The following SNX29 variants were observed in gnomAD, a reference collection of about 807,000 sequenced individuals.
SNX29 encodes the protein sorting nexin 29.
Under a neutral mutation model 102.1 loss-of-function variants are expected in SNX29, and 78 were observed. That is an observed-to-expected ratio of 0.76 (90% confidence interval 0.64 to 0.92). The LOEUF (loss-of-function observed/expected upper bound fraction) is 0.92. Among genes scored for constraint, SNX29 ranks in the 40% least tolerant of loss-of-function variants. The pLI, the probability that SNX29 is intolerant of heterozygous loss-of-function variation, is 0.00. For synonymous variants in SNX29, 580 were observed against 414.5 expected (o/e 1.40, Z -4.85); for missense variants, 1,280 against 1,061.7 (o/e 1.21, Z -2.86).
At chr16:12,320,124 C>T (rs2080883431) in intron 15 of SNX29, among the ~76,000 whole-genome samples, 1 of 152,140 alleles carries the variant, frequency 6.6e-6, no homozygotes, top group South Asian at 2.1e-4. Context: ...AAAGTAATCA[C>T]TACTGTGCTA....
intron 13 of SNX29, among the ~76,000 whole-genome samples, chr16:12,193,740 T>G (rs1411782620): frequency 6.6e-6 from 1 of 152,208 alleles, no homozygotes; most frequent in African/African-American, 2.4e-5. Flanking sequence ...CAAAATCATG[T>G]GTGGAAAAGA....
At chr16:12,274,230 C>T (rs1006438186) in intron 14 of SNX29, among the ~76,000 whole-genome samples, 29 of 152,284 alleles carry the variant, frequency 1.9e-4, no homozygotes, top group African/African-American at 6.0e-4. Context: ...GAAGAGGTTT[C>T]TTCATTGTTT....
At chr16:12,241,361 A>G in intron 14 of SNX29, among the ~76,000 whole-genome samples, 1 of 152,200 alleles carries the variant, frequency 6.6e-6, no homozygotes. Context: ...TTGAATTAAC[A>G]AAAGTTTTGT....
At chr16:12,500,205 A>G (rs2089045692) in intron 19 of SNX29, among the ~76,000 whole-genome samples, 1 of 151,822 alleles carries the variant, frequency 6.6e-6, no homozygotes, top group African/African-American at 2.4e-5. Context: ...GCTGTGTTGC[A>G]CAGGCTGGTC....
chr16:12,562,068 T>C (rs1046873116), intron 20 of SNX29, among the ~76,000 whole-genome samples: 48 of 121,948 alleles, frequency 3.9e-4, no homozygotes, highest in South Asian at 5.5e-4. Flanking sequence ...TTCCTTCCCG[T>C]GTTTTCTGCC....
intron 15 of SNX29, among the ~76,000 whole-genome samples, chr16:12,348,993 C>T (rs2081912935): frequency 2.0e-5 from 3 of 152,182 alleles, no homozygotes; most frequent in South Asian, 2.1e-4. Context: ...GTTTACAGAA[C>T]ACTTCCCCAT....
chr16:12,150,322 A>G (rs898685905), intron 13 of SNX29, among the ~76,000 whole-genome samples: 2 of 152,176 alleles, frequency 1.3e-5, no homozygotes, highest in South Asian at 4.1e-4. Flanking sequence ...GGGTAGATCA[A>G]CCATGATAAG....
chr16:12,492,816 G>C (rs2088618725), intron 19 of SNX29, among the ~76,000 whole-genome samples: 2 of 152,148 alleles, frequency 1.3e-5, no homozygotes, highest in Non-Finnish European at 2.9e-5. Flanking sequence ...GTTTTTGTCA[G>C]GTTTGCCAAA....
intron 13 of SNX29, among the ~76,000 whole-genome samples, chr16:12,196,160 G>A (rs1406409641): frequency 6.6e-6 from 1 of 151,918 alleles, no homozygotes; most frequent in Non-Finnish European, 1.5e-5. Context: ...ATTTTTTGTA[G>A]AGATGGGGTT....
chr16:11,976,774 C>G lies in SNX29; in HGVS notation c.-33C>G, dbSNP rs1436507131. 2 of 1,319,702 alleles carry G rather than the reference C, an allele frequency of 1.5e-6. No individual in the cohort carries two copies. Among genetic ancestry groups the G allele is most frequent in the East Asian group, 3.1e-5 (1 of 31,826 alleles). 81.7% of individuals were successfully genotyped at this position (1,319,702 alleles called of 1,614,324 possible). On this transcript the variant is annotated 5_prime_UTR_variant, in exon 1 of 21. Coordinates refer to ENST00000566228, the MANE Select transcript of SNX29 (RefSeq NM_032167.5). ...GCCGCAGAAGCGGCAGCGGCGGCGG[C>G]GCGGCGCAGGCACCGGCCCGGGGAG...
At chr16:12,555,837 AACCCCCCTCACC>A (rs1197930052) in intron 20 of SNX29, among the ~76,000 whole-genome samples, 1 of 152,048 alleles carries the variant, frequency 6.6e-6, no homozygotes, top group African/African-American at 2.4e-5. Context: ...CTGACTGACC[AACCCCCCTCACC>A]ACCTCCATCA....
At chr16:12,258,007 C>G (rs1454832275) in intron 14 of SNX29, among the ~76,000 whole-genome samples, 3 of 152,194 alleles carry the variant, frequency 2.0e-5, no homozygotes, top group Non-Finnish European at 4.4e-5. Context: ...GGGTCAGGCC[C>G]CCAGAGTCTC....
At chr16:12,449,877 C>T (rs926283698) in intron 18 of SNX29, among the ~76,000 whole-genome samples, 3 of 152,150 alleles carry the variant, frequency 2.0e-5, no homozygotes, top group Non-Finnish European at 4.4e-5. Flanking sequence ...TACATGATTT[C>T]TGATATGATT....
chr16:12,455,141 G>A (rs536307676), intron 18 of SNX29, among the ~76,000 whole-genome samples: 2 of 152,270 alleles, frequency 1.3e-5, no homozygotes, highest in South Asian at 4.1e-4. Flanking sequence ...TGTCCCTCCT[G>A]ACAAAGGTTT....
intron 16 of SNX29, among the ~76,000 whole-genome samples, chr16:12,362,383 A>C (rs950996887): frequency 6.6e-5 from 10 of 152,196 alleles, no homozygotes; most frequent in African/African-American, 2.4e-4. Flanking sequence ...GGAAAGGGTG[A>C]CCACCTCCTC....
intron 13 of SNX29, among the ~76,000 whole-genome samples, chr16:12,182,189 GTTTT>G (rs67550670): frequency 1.6e-5 from 2 of 122,048 alleles, no homozygotes; most frequent in Non-Finnish European, 1.7e-5. Flanking sequence ...GCCCGGCCTA[GTTTT>G]TTTTTTTTTT....
At chr16:11,996,663 C>G (rs756761700) in intron 1 of SNX29, among the ~76,000 whole-genome samples, 1 of 152,190 alleles carries the variant, frequency 6.6e-6, no homozygotes, top group Non-Finnish European at 1.5e-5. Context: ...CTGTCGGGCT[C>G]ACTCATACTT....
In SNX29 at chr16:12,209,006, G is replaced by A. The variant is rs1350095374; in HGVS notation, c.1678+9323G>A. ...ACATTGTGGTGTCATTTACATTGGAGGCACCAGTTGCGATAGAGGGACCAT... is the reference window on the plus strand; with the variant it reads ...ACATTGTGGTGTCATTTACATTGGAAGCACCAGTTGCGATAGAGGGACCAT... On this transcript the variant is annotated intron_variant, in intron 14 of 20. Coordinates refer to ENST00000566228, the MANE Select transcript of SNX29 (RefSeq NM_032167.5). Among the ~76,000 whole-genome samples, 5 of 152,282 alleles carry A rather than the reference G, an allele frequency of 3.3e-5. No individual in the cohort carries two copies. The East Asian group carries it at 9.6e-4, about 29-fold the overall frequency.
chr16:12,235,042 G>T (rs935114778), intron 14 of SNX29, among the ~76,000 whole-genome samples: 1 of 151,628 alleles, frequency 6.6e-6, no homozygotes, highest in Non-Finnish European at 1.5e-5. Context: ...CTTTGGCTTT[G>T]TCTCTTTCTC....
Sources: gnomAD v4.1 joint callset for allele counts (sites outside exome capture counted in the v4.1 genomes callset) on GRCh38, gnomAD v4.1.1 for gene constraint, MANE v1.5 for transcripts, NCBI Gene and HGNC (gene_info 2026-07-23, HGNC 2026-07-21) for gene names.